Variants in ZNF737 observed in about 807,000 individuals in gnomAD.
ZNF737 encodes the protein zinc finger protein 737.
In ZNF737, 13 loss-of-function variants were observed where a neutral mutation model predicts 11.7. The observed-to-expected ratio is 1.11, with a 90% CI of 0.73 to 1.77. The LOEUF is 1.77. ZNF737 is among the 40% of genes most tolerant of loss of function. The pLI is 0.00. For missense variants in ZNF737, 636 were observed against 638.0 expected, an observed-to-expected ratio of 1.00 and a Z score of 0.03; for synonymous variants, 217 against 216.2, an observed-to-expected ratio of 1.00 and a Z score of -0.03.
intron 1 of ZNF737, among the ~76,000 whole-genome samples, chr19:20,559,375 T>G (rs530710036): frequency 6.6e-6 from 1 of 152,040 alleles, no homozygotes; most frequent in Non-Finnish European, 1.5e-5. Context: ...GCAAAAAAGA[T>G]GAACACTGCT....
chr19:20,538,535 C>T lies in ZNF737; in HGVS notation c.*6057G>A, dbSNP rs1363503518. 2.1e-6 allele frequency: 1 copy of T among 476,138 alleles called. No individual in the cohort carries two copies. The highest frequency in any genetic ancestry group is 2.7e-6 in the Non-Finnish European group (1 of 364,508). The allele number at this position is 476,138 out of a possible 1,614,324, so 29.5% of individuals were successfully genotyped here. On this transcript the variant is annotated 3_prime_UTR_variant, in exon 4 of 4. Coordinates refer to ENST00000427401, the MANE Select transcript of ZNF737 (RefSeq NM_001159293.2). ...GACTCTGTCTCCTCTGTTCAGTGTA[C>T]TCGTGGCAAAACTGCTTTCTGCAAA...
At chr19:20,557,897 G>A (rs568049363) in intron 1 of ZNF737, among the ~76,000 whole-genome samples, 41 of 152,068 alleles carry the variant, frequency 2.7e-4, no homozygotes, top group Non-Finnish European at 3.8e-4. Flanking sequence ...TTACAGGCAT[G>A]AGCAACCATG....
At chr19:20,548,973 A>C (rs1467719636) in intron 3 of ZNF737, among the ~76,000 whole-genome samples, 16 of 119,894 alleles carry the variant, frequency 1.3e-4, no homozygotes, top group Non-Finnish European at 2.6e-4. Flanking sequence ...AAAAAAAAAA[A>C]AAAAAAACAA....
rs1555754817 is a variant in ZNF737, at chr19:20,540,234, T to C, written c.*4358A>G. On this transcript the variant is annotated 3_prime_UTR_variant, in exon 4 of 4. Coordinates refer to ENST00000427401, the MANE Select transcript of ZNF737 (RefSeq NM_001159293.2). ...GGCCAGCAGGGGTGTTTTTCTGTGA[T>C]GTGTCTCTTTCTCTTAAAAGCACCT... 1.3e-6 allele frequency: 1 copy of C among 792,662 alleles called. No individual in the cohort carries two copies. Among genetic ancestry groups the C allele is most frequent in the Non-Finnish European group, 1.5e-6 (1 of 654,608 alleles). The allele number at this position is 792,662 out of a possible 1,614,324, so 49.1% of individuals were successfully genotyped here. A position where few individuals can be genotyped will look rare whatever the true frequency, so the allele number is the denominator to read the frequency against.
chr19:20,531,006 A>T (rs1967811753), downstream of ZNF737, among the ~76,000 whole-genome samples: 1 of 148,572 alleles, frequency 6.7e-6, no homozygotes, highest in Non-Finnish European at 1.5e-5. Flanking sequence ...CTGGCGGATC[A>T]CTCGCGGTTA....
At chr19:20,530,315 A>AG in the ZNF737 span, among the ~76,000 whole-genome samples, 1 of 75,476 alleles carries the variant, frequency 1.3e-5, no homozygotes, top group Non-Finnish European at 2.6e-5. Context: ...CGGGGGGCTG[A>AG]CCCCCCACCT....
chr19:20,551,429 CAAAAAAAAA>C (rs59406979), intron 3 of ZNF737, among the ~76,000 whole-genome samples: 1 of 102,360 alleles, frequency 9.8e-6, no homozygotes, highest in Non-Finnish European at 1.9e-5. Context: ...AACCCCATCT[CAAAAAAAAA>C]AAAAAAAAAA....
chr19:20,564,847 C>A (rs1381221692), intron 1 of ZNF737, among the ~76,000 whole-genome samples: 31 of 150,172 alleles, frequency 2.1e-4, no homozygotes, highest in Non-Finnish European at 3.0e-4. Flanking sequence ...AGCTCATGTG[C>A]ATTTTTTGGG....
downstream of ZNF737, among the ~76,000 whole-genome samples, chr19:20,531,094 G>C (rs1429103953): frequency 2.4e-4 from 35 of 146,336 alleles, 2 homozygotes; most frequent in African/African-American, 8.7e-4. Flanking sequence ...CAGGCGTGGC[G>C]GCGCGCGCCT....
At position 20,542,844 on chromosome 19, in the gene ZNF737, T is replaced by C. The variant is rs35669331; in HGVS notation, c.*1748A>G. The C allele has an allele frequency of 0.41, 399,125 of 984,910 alleles. 81,106 individuals carry two copies. The highest frequency in any genetic ancestry group is 0.48 in the Admixed American group (7,734 of 16,260). 61.0% of individuals were successfully genotyped at this position (984,910 alleles called of 1,614,324 possible). A position where few individuals can be genotyped will look rare whatever the true frequency, so the allele number is the denominator to read the frequency against. On this transcript the variant is annotated 3_prime_UTR_variant, in exon 4 of 4. Coordinates refer to ENST00000427401, the MANE Select transcript of ZNF737 (RefSeq NM_001159293.2). ...GATCACATGCTTTCTCACATGTGAATAGAAATAAAATAACAGCATAATTTG... is the reference window on the plus strand; with the variant it reads ...GATCACATGCTTTCTCACATGTGAACAGAAATAAAATAACAGCATAATTTG...
downstream of ZNF737, among the ~76,000 whole-genome samples, chr19:20,534,428 A>T (rs1331143470): frequency 6.9e-6 from 1 of 145,288 alleles, no homozygotes; most frequent in Non-Finnish European, 1.5e-5. Context: ...AGCAAGAGTG[A>T]AACTCTGTCT....
In ZNF737 at chr19:20,565,595, C is replaced by A. The variant is rs781838249; in HGVS notation, c.3+43G>T. The A allele has an allele frequency of 5.0e-6, 8 of 1,614,076 alleles. No homozygotes were observed. In the Admixed American group the frequency reaches 1.3e-4, roughly 27 times the overall value. On this transcript the variant is annotated intron_variant, in intron 1 of 3. Transcript: ENST00000427401. ...ACAGCCACTTCCCACCGGTTCCAACCAGCCTATCCCCCTCTCTCGGGATGT... is the reference window on the plus strand; with the variant it reads ...ACAGCCACTTCCCACCGGTTCCAACAAGCCTATCCCCCTCTCTCGGGATGT...
intron 3 of ZNF737, among the ~76,000 whole-genome samples, chr19:20,547,453 T>C (rs1472726884): frequency 7.3e-6 from 1 of 137,514 alleles, no homozygotes; most frequent in Non-Finnish European, 1.6e-5. Context: ...GATAAACAAA[T>C]GAAAGAACAG....
rs1555756696 is a variant in ZNF737, at chr19:20,545,456, T to A, written c.747A>T (p.Ile249=). The change falls in exon 4 of 4, where the codon ATA becomes ATT. Residue 249 remains isoleucine (I), a synonymous_variant. Coordinates refer to ENST00000427401, the MANE Select transcript of ZNF737 (RefSeq NM_001159293.2). ...SRFSYLTAHK[I]IHSGEKPYKC... The stretch of plus-strand genomic sequence containing the variant: ...TGTAGGGTTTCTCTCCACTATGAAT[T>A]ATCTTATGTGCAGTAAGGTATGAAA... The A allele has an allele frequency of 6.2e-7, 1 of 1,613,808 alleles. No individual in the cohort carries two copies. The highest frequency in any genetic ancestry group is 1.7e-5 in the Admixed American group (1 of 59,876).
chr19:20,536,167 A>G (rs1301261586), downstream of ZNF737: 1 of 873,722 alleles, frequency 1.1e-6, no homozygotes, highest in Non-Finnish European at 1.4e-6. Flanking sequence ...AAAAATTAGC[A>G]TATGCATCAG....
At chr19:20,552,344 A>AAC in intron 3 of ZNF737, 131 bp downstream of exon 3, 1 of 534,872 alleles carries the variant, frequency 1.9e-6, no homozygotes, top group Non-Finnish European at 3.0e-6. Flanking sequence ...AAAAAAAAAA[A>AAC]AAAACAGCTC....
downstream of ZNF737, among the ~76,000 whole-genome samples, chr19:20,536,978 C>T (rs537416065): frequency 6.6e-6 from 1 of 152,132 alleles, no homozygotes; most frequent in East Asian, 2.0e-4. Flanking sequence ...TGGCGGGTGC[C>T]TGTAGTCCCA....
At chr19:20,531,654 C>T (rs1400630899), downstream of ZNF737, among the ~76,000 whole-genome samples, 2 of 149,818 alleles carry the variant, frequency 1.3e-5, no homozygotes, top group Non-Finnish European at 3.0e-5. Flanking sequence ...GATAGGCTTT[C>T]ACTATGTTGG....
At chr19:20,548,980 A>AAAAAAAAAAAAAAAAAAAAAC (rs1491170549) in intron 3 of ZNF737, among the ~76,000 whole-genome samples, 1 of 66,502 alleles carries the variant, frequency 1.5e-5, no homozygotes, top group African/African-American at 5.7e-5. Context: ...AAAAAAAAAA[A>AAAAAAAAAAAAAAAAAAAAAC]CAATTATGTA....
Sources: allele counts gnomAD v4.1 joint callset (sites outside exome capture counted in the v4.1 genomes callset), GRCh38; gene constraint gnomAD v4.1.1; transcripts MANE v1.5; gene names NCBI Gene and HGNC (gene_info 2026-07-23, HGNC 2026-07-21).